Variants in KIAA1217 observed in about 807,000 individuals in gnomAD.
KIAA1217 encodes KIAA1217.
KIAA1217 carries 88 observed loss-of-function variants against 163.9 expected under a neutral mutation model. The observed-to-expected ratio is 0.54, with a 90% confidence interval of 0.45 to 0.64. KIAA1217 has a LOEUF of 0.64. Ranked by LOEUF, KIAA1217 falls within the 30% of genes least tolerant of loss-of-function variation. The pLI, the probability that KIAA1217 is intolerant of heterozygous loss-of-function variation, is 0.00. For synonymous variants in KIAA1217, 903 were observed against 923.1 expected (o/e 0.98, Z 0.39); for missense variants, 2,372 against 2,475.0 (o/e 0.96, Z 0.88).
At chr10:24,230,196 T>A (rs962043954) in intron 2 of KIAA1217, among the ~76,000 whole-genome samples, 2 of 152,166 alleles carry the variant, frequency 1.3e-5, no homozygotes, top group Non-Finnish European at 2.9e-5. Flanking sequence ...GCTGTTTCTC[T>A]TTACATGTAT....
intron 2 of KIAA1217, among the ~76,000 whole-genome samples, chr10:24,107,126 A>T (rs1044763348): frequency 6.6e-6 from 1 of 152,206 alleles, no homozygotes; most frequent in Non-Finnish European, 1.5e-5. Flanking sequence ...ATAAGTGAGA[A>T]CATGCAGTAT....
At chr10:23,724,481 C>T (rs1280464781) in intron 1 of KIAA1217, among the ~76,000 whole-genome samples, 1 of 152,056 alleles carries the variant, frequency 6.6e-6, no homozygotes, top group East Asian at 1.9e-4. Flanking sequence ...TTAAATCATG[C>T]ATTGCCTTTT....
chr10:24,084,030 G>T (rs964014723), intron 2 of KIAA1217, among the ~76,000 whole-genome samples: 2 of 152,172 alleles, frequency 1.3e-5, no homozygotes, highest in African/African-American at 4.8e-5. Flanking sequence ...CTTTTCACTT[G>T]CTCTCCCTCT....
At chr10:24,254,260 A>G (rs2074890365) in intron 2 of KIAA1217, among the ~76,000 whole-genome samples, 1 of 152,186 alleles carries the variant, frequency 6.6e-6, no homozygotes, top group Admixed American at 6.6e-5. Context: ...GCATTGTTCA[A>G]CTTGGGGTCA....
chr10:23,961,827 G>T (rs964124986), intron 1 of KIAA1217, among the ~76,000 whole-genome samples: 4 of 152,094 alleles, frequency 2.6e-5, no homozygotes, highest in African/African-American at 7.2e-5. Context: ...GGCTGTGAAG[G>T]ATCTATTCCA....
At chr10:23,850,045 A>G (rs985516858) in intron 1 of KIAA1217, among the ~76,000 whole-genome samples, 5 of 152,088 alleles carry the variant, frequency 3.3e-5, no homozygotes, top group Admixed American at 6.6e-5. Flanking sequence ...AACACAATTT[A>G]CAAATTGGAC....
chr10:24,385,907 A>G (rs1020909164), intron 3 of KIAA1217, among the ~76,000 whole-genome samples: 1 of 152,178 alleles, frequency 6.6e-6, no homozygotes, highest in African/African-American at 2.4e-5. Flanking sequence ...CCTTTTAATC[A>G]TGGTGCTGTC....
chr10:24,002,094 C>T (rs1050582507), intron 1 of KIAA1217, among the ~76,000 whole-genome samples: 3 of 152,042 alleles, frequency 2.0e-5, no homozygotes, highest in Non-Finnish European at 2.9e-5. Flanking sequence ...CAGCTGATGC[C>T]GACTGTGGTA....
chr10:23,732,068 T>G (rs1838508475), intron 1 of KIAA1217, among the ~76,000 whole-genome samples: 1 of 152,098 alleles, frequency 6.6e-6, no homozygotes, highest in African/African-American at 2.4e-5. Flanking sequence ...AATATATTTT[T>G]CTGGTTTTGG....
At chr10:24,511,385 G>C (rs912019684) in intron 9 of KIAA1217, among the ~76,000 whole-genome samples, 2 of 152,076 alleles carry the variant, frequency 1.3e-5, no homozygotes, top group Non-Finnish European at 2.9e-5. Context: ...GCTCATGCCT[G>C]TAATCCCAGC....
chr10:23,715,747 AG>A (rs1211159336), intron 1 of KIAA1217, among the ~76,000 whole-genome samples: 1 of 152,206 alleles, frequency 6.6e-6, no homozygotes, highest in Non-Finnish European at 1.5e-5. Flanking sequence ...CTGATTCTAA[AG>A]GAAGTAATCA....
At chr10:23,746,655 C>T (rs1281700299) in intron 1 of KIAA1217, among the ~76,000 whole-genome samples, 1 of 152,036 alleles carries the variant, frequency 6.6e-6, no homozygotes, top group Non-Finnish European at 1.5e-5. Flanking sequence ...GATCTCCTGA[C>T]CTTGTGATCC....
intron 2 of KIAA1217, among the ~76,000 whole-genome samples, chr10:24,197,310 A>G (rs1354936666): frequency 1.3e-5 from 2 of 152,214 alleles, no homozygotes; most frequent in East Asian, 3.9e-4. Flanking sequence ...AATTAATGCC[A>G]TGTGATGTGC....
chr10:23,857,608 C>T lies in KIAA1217; in HGVS notation c.-320-149617C>T, dbSNP rs540967326. Among the ~76,000 whole-genome samples the T allele has an allele frequency of 3.9e-5, 6 of 152,168 alleles. No homozygotes were observed. The South Asian group carries it at 6.2e-4, about 16-fold the overall frequency. ...GGTATTAAATCAGAAGGTCTAGGGT[C>T]GGGGCCCAGGAATTTGCATTTTATA... On this transcript the variant is annotated intron_variant, in intron 1 of 18. Transcript: ENST00000376462.
chr10:24,446,671 A>G (rs535378360), intron 5 of KIAA1217, among the ~76,000 whole-genome samples: 1 of 152,348 alleles, frequency 6.6e-6, no homozygotes, highest in East Asian at 1.9e-4. Context: ...TGACAACGGT[A>G]TCAATAACTA....
intron 2 of KIAA1217, among the ~76,000 whole-genome samples, chr10:24,099,187 C>CT (rs568234232): frequency 5.1e-4 from 75 of 146,320 alleles, no homozygotes; most frequent in South Asian, 2.6e-3. Flanking sequence ...CCTGCAAAAA[C>CT]TTTTTTTTTT....
intron 2 of KIAA1217, among the ~76,000 whole-genome samples, chr10:24,200,467 G>A (rs550476938): frequency 6.6e-6 from 1 of 152,062 alleles, no homozygotes; most frequent in African/African-American, 2.4e-5. Context: ...CTGAGCCACT[G>A]TGCCACTGCA....
At chr10:24,169,611 T>C (rs771240676) in intron 2 of KIAA1217, among the ~76,000 whole-genome samples, 1 of 90,546 alleles carries the variant, frequency 1.1e-5, no homozygotes, top group African/African-American at 4.4e-5. Flanking sequence ...CTGGAAAAGA[T>C]GGTTGTATTC....
rs59233394 is a variant in KIAA1217 at position 24,484,241 on chromosome 10, ATTTTTTTTTT to A, written c.1679+10195_1679+10204del. Among the ~76,000 whole-genome samples the A allele has an allele frequency of 3.6e-3, 270 of 75,164 alleles. 1 individual carries two copies. Among genetic ancestry groups the A allele is most frequent in the Non-Finnish European group, 4.8e-3 (192 of 40,032 alleles). 49.3% of individuals were successfully genotyped at this position (75,164 alleles called of 152,430 possible). On this transcript the variant is annotated intron_variant, in intron 6 of 20. Coordinates refer to ENST00000376454, the MANE Select transcript of KIAA1217 (RefSeq NM_019590.5). Reference sequence around the variant, plus strand: ...TAGATATACATATATATATATATATATTTTTTTTTTTTTTTTTTTTTTTGAAACAGTCTCG... The same window carrying A: ...TAGATATACATATATATATATATATATTTTTTTTTTTTTGAAACAGTCTCG...
Sources: allele counts gnomAD v4.1 joint callset (sites outside exome capture counted in the v4.1 genomes callset), GRCh38; gene constraint gnomAD v4.1.1; transcripts MANE v1.5; gene names NCBI Gene and HGNC (gene_info 2026-07-23, HGNC 2026-07-21).